Variants in PDE5A observed in about 807,000 individuals in gnomAD.
PDE5A encodes cGMP-specific 3',5'-cyclic phosphodiesterase.
Under a neutral mutation model 110.2 loss-of-function variants are expected in PDE5A, and 67 were observed. The observed-to-expected ratio is 0.61, with a 90% CI of 0.50 to 0.75. The LOEUF is 0.75. Among genes scored for constraint, PDE5A ranks in the 30% least tolerant of loss-of-function variants. PDE5A has a pLI of 0.00. For synonymous variants in PDE5A, 328 were observed against 351.2 expected (o/e 0.93, Z 0.74); for missense variants, 862 against 1,045.1 (o/e 0.82, Z 2.42).
chr4:119,506,997 A>G (rs558059123), intron 16 of PDE5A, among the ~76,000 whole-genome samples: 2 of 152,094 alleles, frequency 1.3e-5, no homozygotes, highest in African/African-American at 4.8e-5. Flanking sequence ...GATCTCAGCT[A>G]GGAGTTGGAA....
intron 3 of PDE5A, chr4:119,569,575 C>T (rs892889919): frequency 6.6e-6 from 1 of 151,512 alleles, no homozygotes. Context: ...TTGTATCCAA[C>T]TGTGATAGAA....
intron 1 of PDE5A, among the ~76,000 whole-genome samples, chr4:119,616,802 T>TA (rs1166419337): frequency 6.6e-6 from 1 of 152,114 alleles, no homozygotes; most frequent in Non-Finnish European, 1.5e-5. Context: ...TATCAACTTT[T>TA]ACAATAGTTT....
At chr4:119,504,264 G>T (rs146959528) in intron 18 of PDE5A, among the ~76,000 whole-genome samples, 373 of 152,192 alleles carry the variant, frequency 2.5e-3, no homozygotes, top group African/African-American at 8.8e-3. Context: ...CAATCATGTT[G>T]CTGCAAAGGA....
intron 14 of PDE5A, chr4:119,516,914 C>T: frequency 6.6e-6 from 1 of 152,482 alleles, no homozygotes; most frequent in Non-Finnish European, 1.5e-5. Flanking sequence ...CCACCGCGCC[C>T]AGCCCTCATT....
Position 119,607,168 on chromosome 4 carries a change from A to C in PDE5A, c.282T>G (p.Pro94=), listed in dbSNP as rs375759641. 41 of 1,614,020 alleles carry C rather than the reference A, an allele frequency of 2.5e-5. No homozygotes were observed. Among genetic ancestry groups the C allele is most frequent in the Non-Finnish European group, 3.3e-5 (39 of 1,180,028 alleles). Residue 94 remains proline (P), a synonymous_variant, in exon 2 of 21, where the codon CCT becomes CCG. Transcript: ENST00000354960. ...QQSPRADNSA[P]GTPTRKISAS... is the part of the protein sequence containing the mutation. Reference sequence around the variant, plus strand: ...CAGAGATTTTCCTGGTTGGTGTTCCAGGGGCACTGTTATCTGCACGAGGAC... The same window carrying C: ...CAGAGATTTTCCTGGTTGGTGTTCCCGGGGCACTGTTATCTGCACGAGGAC...
In PDE5A at chr4:119,514,646, C is replaced by A. The variant is rs568388032; in HGVS notation, c.2001-3512G>T. 3.3e-5 allele frequency among the ~76,000 whole-genome samples: 5 copies of A among 152,262 alleles called. No individual in the cohort carries two copies. In the East Asian group the frequency reaches 9.7e-4, roughly 29 times the overall value. ...GACAGGGCTCCGCTTCTTTGTTCCA[C>A]AGCTACTAGGTTCTACTGGGCACAG... On this transcript the variant is annotated intron_variant, in intron 14 of 20. Coordinates refer to ENST00000354960, the MANE Select transcript of PDE5A (RefSeq NM_001083.4).
chr4:119,519,310 C>T, intron 13 of PDE5A, 171 bp from the exon 14 acceptor site: 1 of 529,314 alleles, frequency 1.9e-6, no homozygotes, highest in East Asian at 3.0e-5. Flanking sequence ...AATTAGTTGT[C>T]CTTTGTCATT....
At position 119,542,566 on chromosome 4, in the gene PDE5A, C is replaced by T. The variant is rs200355800; in HGVS notation, c.1465G>A (p.Glu489Lys). The T allele has an allele frequency of 4.1e-5, 66 of 1,613,832 alleles. No homozygotes were observed. The East Asian group carries it at 1.0e-3, about 25-fold the overall frequency. The change falls in exon 10 of 21, where the codon GAA becomes AAA. Residue 489 changes from glutamate to lysine, a missense_variant. Transcript: ENST00000354960. ...GKVKPFNRNDEQFLEAFVIFC... is the reference protein window; with the variant it reads ...GKVKPFNRNDKQFLEAFVIFC... ...ATGACAAAAGCTTCCAGAAACTGTT[C>T]GTCATTTCGGTTGAAAGGCTTAACC...
chr4:119,498,703 C>T lies in PDE5A; in HGVS notation c.2526G>A (p.Leu842=). The change falls in exon 21 of 21, where the codon TTG becomes TTA. Residue 842 remains leucine, a synonymous_variant. Coordinates refer to ENST00000354960, the MANE Select transcript of PDE5A (RefSeq NM_001083.4). The stretch of plus-strand genomic sequence containing the variant: ...GCCTGTTCTTTCTGCAGCCATCTAG[C>T]AAAGGGAAACAGTCCTCTGACACGT... The part of the protein sequence containing the change: ...LTHVSEDCFP[L]LDGCRKNRQK... The T allele has an allele frequency of 1.2e-6, 2 of 1,613,846 alleles. No individual in the cohort carries two copies. Among genetic ancestry groups the T allele is most frequent in the Non-Finnish European group, 1.7e-6 (2 of 1,179,884 alleles).
intron 6 of PDE5A, among the ~76,000 whole-genome samples, chr4:119,562,405 G>C (rs1727773136): frequency 6.6e-6 from 1 of 152,172 alleles, no homozygotes. Context: ...ACAATTTCTA[G>C]TAAGAAGAAA....
In PDE5A at chr4:119,505,883, C is replaced by T; in HGVS notation, c.2239G>A (p.Glu747Lys). The change falls in exon 17 of 21, where the codon GAA becomes AAA. Residue 747 changes from glutamate (E) to lysine (K), a missense_variant. Coordinates refer to ENST00000354960, the MANE Select transcript of PDE5A (RefSeq NM_001083.4). ...AACAACTCCTTTTGATGAGGATCTT[C>T]CAAATTGAATTGATTTTTTCTTATA... ...ELIRKNQFNL[E>K]DPHQKELFLA... The T allele has an allele frequency of 6.4e-7, 1 of 1,570,188 alleles. No individual in the cohort carries two copies. Among genetic ancestry groups the T allele is most frequent in the Non-Finnish European group, 8.6e-7 (1 of 1,159,166 alleles).
intron 11 of PDE5A, among the ~76,000 whole-genome samples, chr4:119,534,492 A>ACATC (rs1324893862): frequency 6.6e-6 from 1 of 152,036 alleles, no homozygotes; most frequent in Admixed American, 6.6e-5. Context: ...CATACTGACT[A>ACATC]TATCTCCATT....
chr4:119,552,613 G>T lies in PDE5A; in HGVS notation c.1333C>A (p.Gln445Lys). 3 of 1,540,760 alleles carry T rather than the reference G, an allele frequency of 1.9e-6. No homozygotes were observed. The highest frequency in any genetic ancestry group is 2.6e-6 in the Non-Finnish European group (3 of 1,143,126). The change falls in exon 9 of 21, where the codon CAG becomes AAG. Residue 445 changes from glutamine to lysine, a missense_variant. Transcript: ENST00000354960. ...CAAAGCAAACTTCTAATGCACTGCT[G>T]GTTTACATTTCCTGTATTTTCAGTC... ...WTTENTGNVN[Q>K]QCIRSLLCTP...
chr4:119,575,744 A>ACGT (rs1374769481), intron 3 of PDE5A, among the ~76,000 whole-genome samples: 4 of 152,260 alleles, frequency 2.6e-5, no homozygotes, highest in African/African-American at 9.6e-5. Context: ...GCCAAACTGT[A>ACGT]AAGACCATCA....
intron 1 of PDE5A, among the ~76,000 whole-genome samples, chr4:119,616,839 T>G (rs4834789): frequency 0.15 from 23,113 of 152,038 alleles, 1,904 homozygotes; most frequent in African/African-American, 0.2. Context: ...TTATCAAAAT[T>G]ACACACGGCA....
chr4:119,537,872 A>T (rs920838969), intron 11 of PDE5A, among the ~76,000 whole-genome samples: 1 of 151,892 alleles, frequency 6.6e-6, no homozygotes, highest in South Asian at 2.1e-4. Flanking sequence ...TTCAAAAATT[A>T]TAATGTTTTG....
intron 3 of PDE5A, 26 bp from the exon 4 acceptor site, chr4:119,567,170 AT>A: frequency 3.9e-6 from 6 of 1,528,488 alleles, no homozygotes; most frequent in Non-Finnish European, 3.6e-6. Flanking sequence ...AAAAGCGACA[AT>A]TTTTTTATTG....
At chr4:119,551,198 A>T (rs750380821) in intron 9 of PDE5A, among the ~76,000 whole-genome samples, 2 of 152,218 alleles carry the variant, frequency 1.3e-5, no homozygotes, top group African/African-American at 4.8e-5. Flanking sequence ...AATAGTATCA[A>T]TGTTCAAAAA....
At chr4:119,577,463 C>A (rs1728400294) in intron 3 of PDE5A, among the ~76,000 whole-genome samples, 2 of 152,178 alleles carry the variant, frequency 1.3e-5, no homozygotes, top group Admixed American at 1.3e-4. Flanking sequence ...CCAAATCCAG[C>A]AGCACATCAA....
Sources: allele counts gnomAD v4.1 joint callset (sites outside exome capture counted in the v4.1 genomes callset), GRCh38; gene constraint gnomAD v4.1.1; transcripts MANE v1.5; gene names NCBI Gene and HGNC (gene_info 2026-07-23, HGNC 2026-07-21).